The following SNURF variants were observed in gnomAD, a reference collection of about 807,000 sequenced individuals.
SNURF encodes SNURF protein.
Under a neutral mutation model 11.6 loss-of-function variants are expected in SNURF, and 6 were observed. The ratio of observed to expected loss-of-function variants is 0.52; its 90% CI spans 0.28 to 1.02. The LOEUF is 1.02. Ranked by LOEUF, SNURF falls within the 50% of genes least tolerant of loss-of-function variation. The probability of loss-of-function intolerance (pLI) is 0.09; values close to 1 mark genes in which losing one functional copy is unlikely to be tolerated. For missense variants in SNURF, 84 were observed against 88.4 expected, an observed-to-expected ratio of 0.95 and a Z score of 0.20; for synonymous variants, 29 against 31.6, an observed-to-expected ratio of 0.92 and a Z score of 0.27.
At chr15:24,975,813 C>T (rs1197121236) in intron 4 of SNURF, among the ~76,000 whole-genome samples, 1 of 152,178 alleles carries the variant, frequency 6.6e-6, no homozygotes, top group African/African-American at 2.4e-5. Flanking sequence ...TTGGCTTCTG[C>T]AGCAGTCTTA....
intron 6 of SNURF, among the ~76,000 whole-genome samples, chr15:24,977,253 C>T (rs1160306889): frequency 6.6e-6 from 1 of 152,114 alleles, no homozygotes; most frequent in Non-Finnish European, 1.5e-5. Flanking sequence ...AGTAACTTGC[C>T]ACTAGTGGTG....
chr15:24,973,457 G>A (rs1031876518), downstream of SNURF, among the ~76,000 whole-genome samples: 3 of 151,992 alleles, frequency 2.0e-5, no homozygotes, highest in Non-Finnish European at 4.4e-5. Flanking sequence ...GAGTGCAGTG[G>A]CGCGATCTCA....
exon 3 of SNURF, chr15:24,968,166 A>G: frequency 1.2e-6 from 1 of 833,286 alleles, no homozygotes; most frequent in Non-Finnish European, 2.0e-6. Flanking sequence ...TCAGTGACAC[A>G]TTAATTTTTT....
chr15:24,977,706 T>C, intron 6 of SNURF: 1 of 1,389,480 alleles, frequency 7.2e-7, no homozygotes, highest in Non-Finnish European at 9.7e-7. Flanking sequence ...GTCATTTTTC[T>C]CATTTATTTT....
At chr15:24,975,396 C>G in exon 4 of SNURF, 1 of 1,613,402 alleles carries the variant, frequency 6.2e-7, no homozygotes, top group Non-Finnish European at 8.5e-7. Flanking sequence ...AGCACATTGA[C>G]TATAGAATGA....
At chr15:24,976,250 G>C in intron 4 of SNURF, 1 of 1,280,200 alleles carries the variant, frequency 7.8e-7, no homozygotes, top group Non-Finnish European at 1.1e-6. Flanking sequence ...TAAATATTTT[G>C]ATGAGTGAGT....
At chr15:24,973,445 T>C (rs972756723), downstream of SNURF, among the ~76,000 whole-genome samples, 2 of 152,154 alleles carry the variant, frequency 1.3e-5, no homozygotes, top group African/African-American at 4.8e-5. Context: ...TTGCCCAGGC[T>C]GGAGTGCAGT....
Position 24,955,795 on chromosome 15 carries a change from G to T in SNURF, c.14+733G>T, listed in dbSNP as rs908612853. On this transcript the variant is annotated intron_variant, in intron 1 of 2. Coordinates refer to ENST00000577949, the Ensembl canonical transcript of SNURF. The stretch of plus-strand genomic sequence containing the variant: ...GGCGGTGGGCATTGGCAGCGGGTAG[G>T]CATGGCGGTGGTGGACTTTGGCGGC... 6.6e-5 allele frequency among the ~76,000 whole-genome samples: 10 copies of T among 151,144 alleles called. No homozygotes were observed. In the South Asian group the frequency reaches 1.9e-3, roughly 29 times the overall value.
At chr15:24,977,998 T>A, downstream of SNURF, 1 of 1,378,886 alleles carries the variant, frequency 7.3e-7, no homozygotes, top group Non-Finnish European at 9.9e-7. Context: ...CCTGAGAGCC[T>A]AAGAATTTGG....
At chr15:24,959,304 T>G (rs891905785) in intron 1 of SNURF, among the ~76,000 whole-genome samples, 1 of 152,156 alleles carries the variant, frequency 6.6e-6, no homozygotes, top group Non-Finnish European at 1.5e-5. Flanking sequence ...CAAAATCTTA[T>G]AGATGACATT....
At chr15:24,963,471 C>T (rs569124378) in intron 2 of SNURF, among the ~76,000 whole-genome samples, 92 of 151,780 alleles carry the variant, frequency 6.1e-4, no homozygotes, top group African/African-American at 1.7e-3. Context: ...AAAAATTAAC[C>T]GAGTGTGGTG....
chr15:24,974,356 A>G (rs2076819754), intron 3 of SNURF: 5 of 1,129,384 alleles, frequency 4.4e-6, no homozygotes, highest in Admixed American at 1.7e-5. Context: ...CATTGTTTCT[A>G]GGAGAACCTG....
At chr15:24,966,513 T>C (rs981885477) in intron 2 of SNURF, among the ~76,000 whole-genome samples, 1 of 152,140 alleles carries the variant, frequency 6.6e-6, no homozygotes, top group Non-Finnish European at 1.5e-5. Context: ...TCTCCTGCCC[T>C]CCCAGGAGGG....
chr15:24,958,228 G>A (rs1006224331), intron 1 of SNURF, among the ~76,000 whole-genome samples: 3 of 152,008 alleles, frequency 2.0e-5, no homozygotes, highest in Admixed American at 2.0e-4. Flanking sequence ...TGTTTATAAG[G>A]TGTCAAGGAT....
At chr15:24,974,689 T>C in intron 3 of SNURF, 1 of 615,440 alleles carries the variant, frequency 1.6e-6, no homozygotes, top group Non-Finnish European at 2.9e-6. Context: ...GGTGCGGTCT[T>C]GGCTCACTGC....
intron 2 of SNURF, 123 bp from the exon 3 acceptor site, chr15:24,967,809 A>G (rs202079353): frequency 1.7e-3 from 112 of 64,814 alleles, no homozygotes; most frequent in Non-Finnish European, 3.0e-3. Flanking sequence ...CCCTGTCTGG[A>G]AAAAAAAAAA....
At chr15:24,967,264 G>A (rs1375418256) in intron 2 of SNURF, 2 of 152,512 alleles carry the variant, frequency 1.3e-5, no homozygotes, top group East Asian at 1.9e-4. Flanking sequence ...GTATCCACTA[G>A]TCCCTTGTAC....
chr15:24,963,250 G>T (rs1469742873), intron 2 of SNURF, among the ~76,000 whole-genome samples: 1 of 152,092 alleles, frequency 6.6e-6, no homozygotes, highest in Admixed American at 6.6e-5. Context: ...TATTGTAATC[G>T]TTAGCTTGCT....
intron 6 of SNURF, chr15:24,977,101 AC>A (rs1269598143): frequency 7.9e-7 from 1 of 1,270,130 alleles, no homozygotes; most frequent in Non-Finnish European, 1.1e-6. Flanking sequence ...AGATTTAAAA[AC>A]CTAAGTGTAT....
Sources: gnomAD v4.1 joint callset for allele counts (sites outside exome capture counted in the v4.1 genomes callset) on GRCh38, gnomAD v4.1.1 for gene constraint, MANE v1.5 for transcripts, NCBI Gene and HGNC (gene_info 2026-07-23, HGNC 2026-07-21) for gene names.